The following NKAIN2 variants were observed in gnomAD, a reference collection of about 807,000 sequenced individuals.
NKAIN2 encodes sodium/potassium transporting ATPase interacting 2, also known as sodium/potassium-transporting ATPase subunit beta-1-interacting protein 2.
A neutral mutation model predicts 32.6 loss-of-function variants in NKAIN2; 14 were observed. The ratio of observed to expected loss-of-function variants is 0.43; its 90% CI spans 0.28 to 0.67. The LOEUF is 0.67. NKAIN2 is among the 30% of genes least tolerant of loss of function. The pLI is 0.17. For missense variants in NKAIN2, 198 were observed against 258.3 expected (o/e 0.77, Z 1.60); for synonymous variants, 80 against 87.2 (o/e 0.92, Z 0.46).
At chr6:124,034,876 G>A (rs1053181117) in intron 1 of NKAIN2, among the ~76,000 whole-genome samples, 6 of 152,036 alleles carry the variant, frequency 3.9e-5, no homozygotes, top group African/African-American at 1.4e-4. Flanking sequence ...GATTAGTGAT[G>A]TTGAGCATTT....
At chr6:123,840,820 G>C (rs1188455056) in intron 1 of NKAIN2, among the ~76,000 whole-genome samples, 1 of 152,066 alleles carries the variant, frequency 6.6e-6, no homozygotes, top group African/African-American at 2.4e-5. Flanking sequence ...AATTACACTT[G>C]ATATTTTTAT....
chr6:123,919,978 G>T (rs1345662679), intron 1 of NKAIN2, among the ~76,000 whole-genome samples: 2 of 152,050 alleles, frequency 1.3e-5, no homozygotes, highest in Non-Finnish European at 2.9e-5. Flanking sequence ...CAGCATTAAA[G>T]AATGTAGAAA....
chr6:124,019,889 C>A (rs193002915), intron 1 of NKAIN2, among the ~76,000 whole-genome samples: 126 of 152,194 alleles, frequency 8.3e-4, no homozygotes, highest in Non-Finnish European at 2.6e-4. Flanking sequence ...CATATTATAT[C>A]TTGAAACTTA....
In NKAIN2 at chr6:124,011,397, TTC is replaced by T. The variant is rs200844248; in HGVS notation, c.54+207145_54+207146del. ...CATATTCCCAAGTCAGCAATTCCTG[TTC>T]TTTTTTTTTTTTTAGCCTGAGACGC... On this transcript the variant is annotated intron_variant, in intron 1 of 6. Coordinates refer to ENST00000368417, the MANE Select transcript of NKAIN2 (RefSeq NM_001040214.3). Among the ~76,000 whole-genome samples the T allele has an allele frequency of 5.7e-3, 862 of 152,132 alleles. 15 individuals carry two copies. The highest frequency in any genetic ancestry group is 0.02 in the African/African-American group (831 of 41,498).
At chr6:124,415,857 T>TA (rs1344224802) in intron 3 of NKAIN2, among the ~76,000 whole-genome samples, 1 of 148,998 alleles carries the variant, frequency 6.7e-6, no homozygotes, top group African/African-American at 2.5e-5. Context: ...GCTTTTTTTT[T>TA]TAATTTGCTT....
chr6:124,240,587 CA>C (rs1211294485), intron 1 of NKAIN2, among the ~76,000 whole-genome samples: 3 of 152,106 alleles, frequency 2.0e-5, no homozygotes, highest in Admixed American at 1.3e-4. Context: ...GAGGCTGGTT[CA>C]ACATACACTA....
chr6:124,157,645 C>A (rs887987857), intron 1 of NKAIN2, among the ~76,000 whole-genome samples: 1 of 152,120 alleles, frequency 6.6e-6, no homozygotes, highest in Non-Finnish European at 1.5e-5. Context: ...TATTTTTGAT[C>A]ATGTACGTAT....
chr6:124,377,201 A>G (rs909204456), intron 3 of NKAIN2, among the ~76,000 whole-genome samples: 1 of 152,200 alleles, frequency 6.6e-6, no homozygotes, highest in Non-Finnish European at 1.5e-5. Context: ...ATATTCTACA[A>G]ATCTTCAGAT....
intron 1 of NKAIN2, among the ~76,000 whole-genome samples, chr6:124,016,935 G>A (rs1357110082): frequency 6.6e-6 from 1 of 152,194 alleles, no homozygotes; most frequent in Non-Finnish European, 1.5e-5. Flanking sequence ...AGGATGTCAA[G>A]TGCCTTTAAG....
intron 1 of NKAIN2, among the ~76,000 whole-genome samples, chr6:124,021,886 A>G (rs1780882107): frequency 6.6e-6 from 1 of 152,008 alleles, no homozygotes; most frequent in Non-Finnish European, 1.5e-5. Flanking sequence ...GCATTTGGTA[A>G]TCATACTCTT....
At chr6:124,410,821 G>A (rs1396162237) in intron 3 of NKAIN2, among the ~76,000 whole-genome samples, 2 of 152,004 alleles carry the variant, frequency 1.3e-5, no homozygotes, top group African/African-American at 4.8e-5. Context: ...TTATTGTGTG[G>A]GAGTCTAAGT....
chr6:123,839,958 T>C lies in NKAIN2; in HGVS notation c.54+35704T>C, dbSNP rs1182769498. Among the ~76,000 whole-genome samples the C allele has an allele frequency of 2.0e-5, 3 of 152,154 alleles. No individual in the cohort carries two copies. In the East Asian group the frequency reaches 5.8e-4, roughly 29 times the overall value. ...CAATAAATGGATCATTAAAAAACTTTCCCTGCAGGTGGATATGATTAAAAA... is the reference window on the plus strand; with the variant it reads ...CAATAAATGGATCATTAAAAAACTTCCCCTGCAGGTGGATATGATTAAAAA... On this transcript the variant is annotated intron_variant, in intron 1 of 6. Transcript: ENST00000368417.
intron 4 of NKAIN2, among the ~76,000 whole-genome samples, chr6:124,719,137 G>T (rs1359843618): frequency 6.6e-6 from 1 of 152,072 alleles, no homozygotes. Context: ...CAAATAGACT[G>T]TTTTTTTCCA....
At chr6:124,804,863 T>C (rs989656052) in intron 5 of NKAIN2, among the ~76,000 whole-genome samples, 5 of 152,052 alleles carry the variant, frequency 3.3e-5, no homozygotes, top group African/African-American at 1.2e-4. Flanking sequence ...GCTCCGAGGG[T>C]CCTATGCCCA....
intron 4 of NKAIN2, among the ~76,000 whole-genome samples, chr6:124,704,154 A>G (rs17766756): frequency 0.036 from 5,526 of 152,084 alleles, 167 homozygotes; most frequent in Middle Eastern, 0.065. Flanking sequence ...ACATTGATTG[A>G]GAGAAAAAAT....
Position 124,190,204 on chromosome 6 carries a change from T to G in NKAIN2, c.55-92801T>G, listed in dbSNP as rs184612791. On this transcript the variant is annotated intron_variant, in intron 1 of 6. Coordinates refer to ENST00000368417, the MANE Select transcript of NKAIN2 (RefSeq NM_001040214.3). Reference sequence around the variant, plus strand: ...GGAATTGCCAGACCCACTTATTCTTTCTAAGCCTTGGTTTCTTTACTTGTA... The same window carrying G: ...GGAATTGCCAGACCCACTTATTCTTGCTAAGCCTTGGTTTCTTTACTTGTA... Among the ~76,000 whole-genome samples, 496 of 152,362 alleles carry G rather than the reference T, an allele frequency of 3.3e-3. 6 individuals are homozygous for G. Among genetic ancestry groups the G allele is most frequent in the Non-Finnish European group, 5.7e-3 (388 of 68,030 alleles).
At position 124,482,165 on chromosome 6, in the gene NKAIN2, T is replaced by C. The variant is rs561590908; in HGVS notation, c.273+126818T>C. The stretch of plus-strand genomic sequence containing the variant: ...AGTTACAAACCTCTCAAAAATTGGA[T>C]TTATAATGAGTATGCAGGCAGATCT... On this transcript the variant is annotated intron_variant, in intron 3 of 6. Transcript: ENST00000368417. Among the ~76,000 whole-genome samples, 9 of 152,270 alleles carry C rather than the reference T, an allele frequency of 5.9e-5. 1 individual carries two copies. In the South Asian group the frequency reaches 1.4e-3, roughly 25 times the overall value.
At chr6:124,339,043 C>T (rs577233152) in intron 2 of NKAIN2, among the ~76,000 whole-genome samples, 6 of 152,158 alleles carry the variant, frequency 3.9e-5, no homozygotes, top group Non-Finnish European at 5.9e-5. Flanking sequence ...AGAAATTGGC[C>T]GGACCCAGTG....
chr6:124,539,801 ACCTCCGCCT>A (rs989852389), intron 3 of NKAIN2, among the ~76,000 whole-genome samples: 1 of 151,872 alleles, frequency 6.6e-6, no homozygotes, highest in Non-Finnish European at 1.5e-5. Context: ...TCTCACTGCA[ACCTCCGCCT>A]CCTGGGTTCA....
Sources: gnomAD v4.1 joint callset for allele counts (sites outside exome capture counted in the v4.1 genomes callset) on GRCh38, gnomAD v4.1.1 for gene constraint, MANE v1.5 for transcripts, NCBI Gene and HGNC (gene_info 2026-07-23, HGNC 2026-07-21) for gene names.